The following ST6GALNAC5 variants were observed in gnomAD, a reference collection of about 807,000 sequenced individuals.
ST6GALNAC5 encodes ST6 N-acetylgalactosaminide alpha-2,6-sialyltransferase 5, also known as alpha-N-acetylgalactosaminide alpha-2,6-sialyltransferase 5.
ST6GALNAC5 carries 27 observed loss-of-function variants against 33.6 expected under a neutral mutation model. The ratio of observed to expected loss-of-function variants is 0.80; its 90% CI spans 0.59 to 1.11. ST6GALNAC5 has a LOEUF of 1.11. Among genes scored for constraint, ST6GALNAC5 ranks in the 50% least tolerant of loss-of-function variants. ST6GALNAC5 has a pLI of 0.00. For missense variants in ST6GALNAC5, 428 were observed against 454.0 expected (o/e 0.94, Z 0.52); for synonymous variants, 194 against 171.2 (o/e 1.13, Z -1.04).
intron 2 of ST6GALNAC5, among the ~76,000 whole-genome samples, chr1:77,025,248 G>A (rs1651188315): frequency 2.0e-5 from 3 of 152,190 alleles, no homozygotes; most frequent in Admixed American, 6.5e-5. Flanking sequence ...GTTAAAAATG[G>A]ATCATGGAGC....
At position 76,974,311 on chromosome 1, in the gene ST6GALNAC5, T is replaced by C. The variant is rs1009353506; in HGVS notation, c.262-69893T>C. ...CCTCAAACTCCTGGGCTCAAAGTGA[T>C]CCTCCTACCTTTGCCTCCCAAGTAA... is the stretch of plus-strand genomic sequence containing the variant. On this transcript the variant is annotated intron_variant, in intron 2 of 4. Transcript: ENST00000477717. 7.2e-4 allele frequency among the ~76,000 whole-genome samples: 87 copies of C among 120,604 alleles called. 1 individual carries two copies. The highest frequency in any genetic ancestry group is 3.9e-3 in the Middle Eastern group (1 of 256). The allele number at this position is 120,604 out of a possible 152,430, so 79.1% of individuals were successfully genotyped here.
At chr1:76,910,856 G>T (rs1377937028) in intron 2 of ST6GALNAC5, among the ~76,000 whole-genome samples, 1 of 151,210 alleles carries the variant, frequency 6.6e-6, no homozygotes, top group Non-Finnish European at 1.5e-5. Flanking sequence ...TAGGTAAATG[G>T]TATATTTAAA....
intron 2 of ST6GALNAC5, among the ~76,000 whole-genome samples, chr1:77,018,235 A>G (rs1254012087): frequency 6.6e-6 from 1 of 152,210 alleles, no homozygotes; most frequent in Non-Finnish European, 1.5e-5. Flanking sequence ...TCTTCTCACC[A>G]TCACGATACC....
chr1:77,001,070 C>T (rs1032423305), intron 2 of ST6GALNAC5, among the ~76,000 whole-genome samples: 1 of 152,054 alleles, frequency 6.6e-6, no homozygotes, highest in Non-Finnish European at 1.5e-5. Context: ...TGAATCTGTA[C>T]GTTACCTTGG....
chr1:76,948,476 A>G (rs1557733802), intron 2 of ST6GALNAC5, among the ~76,000 whole-genome samples: 1 of 152,034 alleles, frequency 6.6e-6, no homozygotes, highest in Non-Finnish European at 1.5e-5. Context: ...AGATGGAATG[A>G]CAGCACTAGC....
chr1:76,909,199 G>A (rs1297885513), intron 2 of ST6GALNAC5, among the ~76,000 whole-genome samples: 1 of 152,062 alleles, frequency 6.6e-6, no homozygotes, highest in African/African-American at 2.4e-5. Context: ...ATTCAACTTT[G>A]TATCCTCACA....
chr1:76,911,146 G>C (rs1646907358), intron 2 of ST6GALNAC5, among the ~76,000 whole-genome samples: 1 of 152,112 alleles, frequency 6.6e-6, no homozygotes, highest in Non-Finnish European at 1.5e-5. Context: ...AGAGTTTTTA[G>C]CATGAAGTGT....
At chr1:77,026,322 C>T (rs1376635393) in intron 2 of ST6GALNAC5, among the ~76,000 whole-genome samples, 1 of 152,210 alleles carries the variant, frequency 6.6e-6, no homozygotes, top group African/African-American at 2.4e-5. Flanking sequence ...TAATTTCCTC[C>T]TCTTTCTCAC....
chr1:76,950,475 T>C (rs1057244637), intron 2 of ST6GALNAC5, among the ~76,000 whole-genome samples: 1 of 152,134 alleles, frequency 6.6e-6, no homozygotes, highest in African/African-American at 2.4e-5. Context: ...TTGAAGCAAT[T>C]TTTTAAGTGC....
intron 2 of ST6GALNAC5, among the ~76,000 whole-genome samples, chr1:76,882,923 C>T (rs918096097): frequency 3.9e-5 from 6 of 152,088 alleles, no homozygotes; most frequent in South Asian, 2.1e-4. Context: ...CCAGGGATAC[C>T]GCTGCCCTCA....
At chr1:76,977,856 T>C (rs1189235326) in intron 2 of ST6GALNAC5, among the ~76,000 whole-genome samples, 3 of 152,204 alleles carry the variant, frequency 2.0e-5, no homozygotes. Context: ...GGCATTGCTG[T>C]ATCATATGAT....
intron 2 of ST6GALNAC5, among the ~76,000 whole-genome samples, chr1:76,949,215 G>T (rs1647645854): frequency 6.6e-6 from 1 of 152,128 alleles, no homozygotes; most frequent in African/African-American, 2.4e-5. Context: ...AAAGACCAAA[G>T]CTTTGCTCTT....
At chr1:76,985,655 T>G (rs1649465204) in intron 2 of ST6GALNAC5, among the ~76,000 whole-genome samples, 1 of 151,966 alleles carries the variant, frequency 6.6e-6, no homozygotes, top group South Asian at 2.1e-4. Context: ...ATTGGAAAAC[T>G]ACTTTAAAGT....
At chr1:76,980,034 C>G (rs1649186966) in intron 2 of ST6GALNAC5, among the ~76,000 whole-genome samples, 1 of 151,970 alleles carries the variant, frequency 6.6e-6, no homozygotes, top group Admixed American at 6.6e-5. Flanking sequence ...GAGCAAGGAT[C>G]TTTTTAATAA....
intron 2 of ST6GALNAC5, among the ~76,000 whole-genome samples, chr1:76,988,301 A>G (rs941158530): frequency 1.3e-5 from 2 of 151,922 alleles, no homozygotes; most frequent in African/African-American, 4.8e-5. Flanking sequence ...TGATTCTGTC[A>G]CTATCTTCTG....
chr1:76,993,347 T>C (rs964163336), intron 2 of ST6GALNAC5, among the ~76,000 whole-genome samples: 3 of 152,184 alleles, frequency 2.0e-5, no homozygotes, highest in African/African-American at 7.2e-5. Flanking sequence ...AGTGCCAAAT[T>C]TGGAAAATAG....
chr1:77,044,261 C>A lies in ST6GALNAC5; in HGVS notation c.319C>A (p.His107Asn), dbSNP rs777080875. 6.2e-7 allele frequency: 1 copy of A among 1,613,848 alleles called. No individual in the cohort carries two copies. The highest frequency in any genetic ancestry group is 1.1e-5 in the South Asian group (1 of 91,056). ...GGTGACCAGCTCAGGGCATCTGCTGCACAGTCGGCAAGGCTCCCAGATTGA... is the reference window on the plus strand; with the variant it reads ...GGTGACCAGCTCAGGGCATCTGCTGAACAGTCGGCAAGGCTCCCAGATTGA... ...ALVTSSGHLL[H>N]SRQGSQIDQT... The change falls in exon 3 of 5, where the codon CAC becomes AAC. Residue 107 changes from histidine to asparagine, a missense_variant. Physicochemically the swap from His to Asn is moderately conservative, Grantham distance 68. Coordinates refer to ENST00000477717, the MANE Select transcript of ST6GALNAC5 (RefSeq NM_030965.3).
At chr1:77,020,301 C>G (rs774680168) in intron 2 of ST6GALNAC5, among the ~76,000 whole-genome samples, 1 of 152,146 alleles carries the variant, frequency 6.6e-6, no homozygotes, top group South Asian at 2.1e-4. Context: ...GTTAGGCAGT[C>G]CAAAGTATTT....
intron 2 of ST6GALNAC5, among the ~76,000 whole-genome samples, chr1:76,955,542 CTT>C (rs1484906644): frequency 6.6e-6 from 1 of 152,080 alleles, no homozygotes; most frequent in Non-Finnish European, 1.5e-5. Context: ...TGAAAAAAGA[CTT>C]AGGGAGCTAG....
Sources: gnomAD v4.1 joint callset for allele counts (sites outside exome capture counted in the v4.1 genomes callset) on GRCh38, gnomAD v4.1.1 for gene constraint, MANE v1.5 for transcripts, NCBI Gene and HGNC (gene_info 2026-07-23, HGNC 2026-07-21) for gene names.